HTR1F: variants seen among roughly 807,000 people sequenced by gnomAD.
HTR1F encodes the protein 5-hydroxytryptamine (serotonin) receptor 1F, G protein-coupled.
HTR1F carries 17 observed loss-of-function variants against 24.0 expected under a neutral mutation model. That is an observed-to-expected ratio of 0.71 (90% CI 0.48 to 1.06). HTR1F has a LOEUF of 1.06. Ranked by LOEUF, HTR1F falls within the 50% of genes least tolerant of loss-of-function variation. The probability of loss-of-function intolerance (pLI) is 0.00; values close to 1 mark genes in which losing one functional copy is unlikely to be tolerated. For synonymous variants in HTR1F, 186 were observed against 156.8 expected (o/e 1.19, Z -1.39); for missense variants, 391 against 427.8 (o/e 0.91, Z 0.76).
At chr3:87,806,863 G>A (rs1276691291) in intron 1 of HTR1F, among the ~76,000 whole-genome samples, 1 of 151,568 alleles carries the variant, frequency 6.6e-6, no homozygotes, top group African/African-American at 2.4e-5. Flanking sequence ...GTATACATTC[G>A]GTTTTCCTAG....
chr3:87,849,937 T>A (rs1200111208), intron 2 of HTR1F, among the ~76,000 whole-genome samples: 1 of 151,870 alleles, frequency 6.6e-6, no homozygotes, highest in East Asian at 1.9e-4. Flanking sequence ...AGAATGATGA[T>A]CATTAAAAAG....
At chr3:87,881,201 C>G (rs1053820160) in intron 2 of HTR1F, among the ~76,000 whole-genome samples, 4 of 152,172 alleles carry the variant, frequency 2.6e-5, no homozygotes, top group African/African-American at 9.7e-5. Context: ...CAGACTGTAC[C>G]TGGAAAAAAC....
chr3:87,990,986 C>T lies in HTR1F; in HGVS notation c.237C>T (p.Phe79=). Residue 79 remains phenylalanine, a synonymous_variant, in exon 3 of 3, where the codon TTC becomes TTT. Transcript: ENST00000319595. ...DFLVAVLVMP[F]SIVYIVRESW... is the part of the protein sequence containing the mutation. The stretch of plus-strand genomic sequence containing the variant: ...TTGTGGCTGTCCTGGTGATGCCCTT[C>T]AGCATTGTGTATATTGTGAGAGAGA... 1 of 1,614,138 alleles carries T rather than the reference C, an allele frequency of 6.2e-7. No individual in the cohort carries two copies. Among genetic ancestry groups the T allele is most frequent in the East Asian group, 2.2e-5 (1 of 44,878 alleles).
In HTR1F at chr3:87,992,986, T is replaced by C. The variant is rs1325411372; in HGVS notation, c.*1136T>C. 1 of 166,930 alleles carries C rather than the reference T, an allele frequency of 6.0e-6. No homozygotes were observed. Among genetic ancestry groups the C allele is most frequent in the Non-Finnish European group, 1.5e-5 (1 of 68,100 alleles). 10.3% of individuals were successfully genotyped at this position (166,930 alleles called of 1,614,324 possible). ...GTAATTAGTCACTCTACTAGTTCAG[T>C]GAGCCAAAGCAATTCCATAAGTTTT... is the stretch of plus-strand genomic sequence containing the variant. On this transcript the variant is annotated 3_prime_UTR_variant, in exon 3 of 3. Transcript: ENST00000319595.
chr3:87,859,540 T>G (rs1252789700), intron 2 of HTR1F, among the ~76,000 whole-genome samples: 1 of 152,208 alleles, frequency 6.6e-6, no homozygotes, highest in African/African-American at 2.4e-5. Context: ...AGTGAACTTA[T>G]ATTACCTATG....
intron 2 of HTR1F, among the ~76,000 whole-genome samples, chr3:87,867,095 T>C (rs562802339): frequency 6.6e-6 from 1 of 151,950 alleles, no homozygotes; most frequent in Non-Finnish European, 1.5e-5. Flanking sequence ...GCTTGTAATG[T>C]GTCAAAGTAT....
intron 2 of HTR1F, among the ~76,000 whole-genome samples, chr3:87,976,597 A>ATGTTATAT (rs1186430173): frequency 6.6e-6 from 1 of 152,204 alleles, no homozygotes; most frequent in Non-Finnish European, 1.5e-5. Context: ...CACCCTAAGC[A>ATGTTATAT]TGTTATATTT....
chr3:87,902,398 A>G (rs1706344353), intron 2 of HTR1F, among the ~76,000 whole-genome samples: 1 of 152,052 alleles, frequency 6.6e-6, no homozygotes, highest in East Asian at 1.9e-4. Context: ...ACCCCACAGC[A>G]TGGGGAAAAA....
At chr3:87,974,530 A>T (rs1363937182) in intron 2 of HTR1F, among the ~76,000 whole-genome samples, 2 of 143,376 alleles carry the variant, frequency 1.4e-5, no homozygotes, top group Non-Finnish European at 3.0e-5. Context: ...CTACTAGTAT[A>T]AGAAAAAAAA....
At chr3:87,807,693 G>C (rs1177619930) in intron 1 of HTR1F, among the ~76,000 whole-genome samples, 2 of 151,850 alleles carry the variant, frequency 1.3e-5, no homozygotes, top group African/African-American at 2.4e-5. Flanking sequence ...TCCTCATCTT[G>C]TTCTAGTTAT....
intron 2 of HTR1F, among the ~76,000 whole-genome samples, chr3:87,874,921 T>C (rs1705636435): frequency 6.6e-6 from 1 of 152,108 alleles, no homozygotes; most frequent in African/African-American, 2.4e-5. Context: ...TTGCAAAAAC[T>C]GAATATCCAC....
chr3:87,931,685 T>C (rs1457677536), intron 2 of HTR1F, among the ~76,000 whole-genome samples: 1 of 152,022 alleles, frequency 6.6e-6, no homozygotes, highest in Non-Finnish European at 1.5e-5. Flanking sequence ...AGTGTTCCTA[T>C]TTCTGCACAT....
At chr3:87,938,609 A>C (rs1228787506) in intron 2 of HTR1F, among the ~76,000 whole-genome samples, 3 of 152,118 alleles carry the variant, frequency 2.0e-5, no homozygotes, top group Non-Finnish European at 4.4e-5. Context: ...AAATGGAAGA[A>C]AATAGAGAGC....
At chr3:87,905,491 T>G (rs2107336237) in intron 2 of HTR1F, among the ~76,000 whole-genome samples, 1 of 152,160 alleles carries the variant, frequency 6.6e-6, no homozygotes, top group East Asian at 1.9e-4. Flanking sequence ...GTATATAGGT[T>G]GGTTAGGAGC....
At position 87,813,770 on chromosome 3, in the gene HTR1F, T is replaced by C. The variant is rs143603547; in HGVS notation, c.-159-8238T>C. ...TGTTCACATGATAGTGAGTTCTCATTAGATCTCATGGTTTTATACGTGTTT... is the reference window on the plus strand; with the variant it reads ...TGTTCACATGATAGTGAGTTCTCATCAGATCTCATGGTTTTATACGTGTTT... On this transcript the variant is annotated intron_variant, in intron 1 of 2. Coordinates refer to ENST00000319595, the MANE Select transcript of HTR1F (RefSeq NM_001322209.2). Among the ~76,000 whole-genome samples the C allele has an allele frequency of 3.9e-3, 588 of 152,272 alleles. 6 individuals are homozygous for C. Among genetic ancestry groups the C allele is most frequent in the African/African-American group, 0.014 (565 of 41,542 alleles).
At chr3:87,990,136 TC>T (rs1436729288) in intron 2 of HTR1F, among the ~76,000 whole-genome samples, 1 of 152,148 alleles carries the variant, frequency 6.6e-6, no homozygotes, top group Admixed American at 6.5e-5. Context: ...TGGAGTTTCT[TC>T]AGACCCCCAA....
At position 87,883,196 on chromosome 3, in the gene HTR1F, C is replaced by T. The variant is rs1348542406; in HGVS notation, c.-43+61072C>T. On this transcript the variant is annotated intron_variant, in intron 2 of 2. Coordinates refer to ENST00000319595, the MANE Select transcript of HTR1F (RefSeq NM_001322209.2). ...GGCAAACAGGGTCTGGAGTGGACCT[C>T]CAGCAAACTCCAACAGACTTGCAGC... 6.6e-5 allele frequency among the ~76,000 whole-genome samples: 10 copies of T among 152,310 alleles called. No homozygotes were observed. The South Asian group carries it at 1.9e-3, about 28-fold the overall frequency.
intron 2 of HTR1F, among the ~76,000 whole-genome samples, chr3:87,957,312 G>T (rs2107472458): frequency 6.6e-6 from 1 of 151,310 alleles, no homozygotes; most frequent in South Asian, 2.1e-4. Context: ...ATCTCACTTG[G>T]TCAGGATATG....
chr3:87,831,898 A>C (rs1283876151), intron 2 of HTR1F, among the ~76,000 whole-genome samples: 1 of 152,182 alleles, frequency 6.6e-6, no homozygotes, highest in Non-Finnish European at 1.5e-5. Context: ...ACTTTTGGAA[A>C]CTTAATGGAT....
Sources: gnomAD v4.1 joint callset for allele counts (sites outside exome capture counted in the v4.1 genomes callset) on GRCh38, gnomAD v4.1.1 for gene constraint, MANE v1.5 for transcripts, NCBI Gene and HGNC (gene_info 2026-07-23, HGNC 2026-07-21) for gene names.